The following ZBTB1 variants were observed in gnomAD, a reference collection of about 807,000 sequenced individuals.
ZBTB1 encodes the protein zinc finger and BTB domain containing 1, also known as zinc finger and BTB domain-containing protein 1.
A neutral mutation model predicts 51.6 loss-of-function variants in ZBTB1; 13 were observed. The observed-to-expected ratio is 0.25, with a 90% CI of 0.16 to 0.40. ZBTB1 has a LOEUF of 0.40. Among genes scored for constraint, ZBTB1 ranks in the 10% least tolerant of loss-of-function variants. The probability of loss-of-function intolerance (pLI) is 1.00; values close to 1 mark genes in which losing one functional copy is unlikely to be tolerated. For missense variants in ZBTB1, 567 were observed against 856.5 expected (o/e 0.66, Z 4.22); for synonymous variants, 240 against 282.2 (o/e 0.85, Z 1.50).
intron 1 of ZBTB1, chr14:64,516,693 C>CA (rs1401020650): frequency 6.6e-6 from 1 of 152,194 alleles, no homozygotes; most frequent in Non-Finnish European, 1.5e-5. Flanking sequence ...CAAATGAATA[C>CA]AGAATACTTG....
intron 1 of ZBTB1, among the ~76,000 whole-genome samples, chr14:64,516,095 C>T (rs1169019750): frequency 2.0e-5 from 3 of 152,086 alleles, no homozygotes; most frequent in African/African-American, 7.2e-5. Flanking sequence ...ATTAGCCAGT[C>T]ATGGTGGCGT....
intron 1 of ZBTB1, among the ~76,000 whole-genome samples, chr14:64,520,068 C>T (rs2079844666): frequency 6.6e-6 from 1 of 151,996 alleles, no homozygotes; most frequent in Admixed American, 6.5e-5. Flanking sequence ...GTGGTGCGAT[C>T]TCGGCTCACT....
rs143094641 is a variant in ZBTB1 at position 64,523,169 on chromosome 14, C to G, written c.1665C>G (p.Ser555Arg). The change falls in exon 2 of 2, where the codon AGC becomes AGG. Residue 555 changes from serine (S) to arginine (R), a missense_variant. Ser to Arg is a moderately radical substitution (Grantham distance 110, BLOSUM62 -1). This residue lies in a region of ZBTB1 where 329 missense variants were observed against 406.3 expected (regional missense o/e 0.81). Transcript: ENST00000683701. The surrounding 1 kb of genome is among the most constrained non-coding windows in gnomAD (Gnocchi z 4.5). ...ATCTAGTGGTTGAACATATGTCTAGCTGCTTAGATCAAGATATGTTTAAGA... is the reference window on the plus strand; with the variant it reads ...ATCTAGTGGTTGAACATATGTCTAGGTGCTTAGATCAAGATATGTTTAAGA... ...TENLVVEHMSSCLDQDMFKSA... is the reference protein window; with the variant it reads ...TENLVVEHMSRCLDQDMFKSA... The G allele has an allele frequency of 6.8e-6, 11 of 1,614,128 alleles. No homozygotes were observed. Among genetic ancestry groups the G allele is most frequent in the Non-Finnish European group, 9.3e-6 (11 of 1,180,006 alleles).
At chr14:64,526,240 T>TA (rs201162262), downstream of ZBTB1, among the ~76,000 whole-genome samples, 1,314 of 152,310 alleles carry the variant, frequency 8.6e-3, 24 homozygotes, top group African/African-American at 0.03. Flanking sequence ...GGCAAAAAGT[T>TA]AAAGACTACT....
At chr14:64,525,300 C>T (rs1047267089), downstream of ZBTB1, among the ~76,000 whole-genome samples, 9 of 152,088 alleles carry the variant, frequency 5.9e-5, no homozygotes, top group Admixed American at 2.0e-4. Context: ...AGGCAGGGGA[C>T]GGGTAGAATA....
upstream of ZBTB1, chr14:64,503,738 G>A (rs1305583471): frequency 4.4e-6 from 2 of 452,146 alleles, no homozygotes; most frequent in Middle Eastern, 1.1e-3. Context: ...GCAAGCAGTG[G>A]CGCCGGCTCA....
rs139193816 is a variant in ZBTB1 at position 64,522,955 on chromosome 14, C to A, written c.1451C>A (p.Thr484Asn). The A allele has an allele frequency of 1.5e-5, 24 of 1,614,020 alleles. No individual in the cohort carries two copies. In the African/African-American group the frequency reaches 2.9e-4, roughly 20 times the overall value. ...QDLTMNGLGN[T>N]EEKMDLEENP... ...CTGACCATGAATGGGTTAGGAAATA[C>A]TGAGGAGAAAATGGACTTGGAAGAG... The change falls in exon 2 of 2, where the codon ACT becomes AAT. Residue 484 changes from threonine to asparagine, a missense_variant. Coordinates refer to ENST00000683701, the MANE Select transcript of ZBTB1 (RefSeq NM_001123329.2).
Position 64,513,115 on chromosome 14 carries a change from T to C in ZBTB1, c.-19+8169T>C, listed in dbSNP as rs80343456. On this transcript the variant is annotated intron_variant, in intron 1 of 1. Transcript: ENST00000683701. The stretch of plus-strand genomic sequence containing the variant: ...ATACTTATATATGCATACATACACA[T>C]AAAATGATACCTATATATGGATACA... Among the ~76,000 whole-genome samples, 23 of 152,246 alleles carry C rather than the reference T, an allele frequency of 1.5e-4. No individual in the cohort carries two copies. The East Asian group carries it at 3.7e-3, about 24-fold the overall frequency.
intron 1 of ZBTB1, 171 bp downstream of exon 1, chr14:64,505,117 T>G: frequency 2.9e-6 from 1 of 347,372 alleles, no homozygotes. Context: ...CCAGGCCGCC[T>G]GCTTGTTGCC....
chr14:64,518,300 T>A (rs1441821119), intron 1 of ZBTB1: 1 of 152,218 alleles, frequency 6.6e-6, no homozygotes, highest in Non-Finnish European at 1.5e-5. Flanking sequence ...CTGAACATGA[T>A]TCCTCACAGC....
chr14:64,520,862 C>CTT (rs146222409), intron 1 of ZBTB1, among the ~76,000 whole-genome samples: 4 of 142,002 alleles, frequency 2.8e-5, no homozygotes, highest in Non-Finnish European at 3.1e-5. Context: ...GAGTTGTTTT[C>CTT]TTTTTTTTTT....
intron 1 of ZBTB1, among the ~76,000 whole-genome samples, chr14:64,512,100 AT>A (rs1306801200): frequency 1.3e-5 from 2 of 152,100 alleles, no homozygotes; most frequent in African/African-American, 4.8e-5. Flanking sequence ...TATGACATTA[AT>A]TTTTTTTAAA....
At chr14:64,532,944 T>C (rs1010118822) in exon 3 of ZBTB1, 5 of 152,110 alleles carry the variant, frequency 3.3e-5, no homozygotes, top group Non-Finnish European at 7.4e-5. Context: ...TCTTTCTGTT[T>C]ATGTACCCAA....
intron 1 of ZBTB1, chr14:64,516,555 C>G (rs944564164): frequency 1.3e-5 from 2 of 152,240 alleles, no homozygotes; most frequent in Non-Finnish European, 2.9e-5. Flanking sequence ...GTGGGATTCA[C>G]ACTGTGATCC....
At chr14:64,519,888 A>G (rs992497102) in intron 1 of ZBTB1, among the ~76,000 whole-genome samples, 1 of 152,196 alleles carries the variant, frequency 6.6e-6, no homozygotes, top group African/African-American at 2.4e-5. Flanking sequence ...AACATGAGAC[A>G]CATTCTAACT....
chr14:64,508,032 G>A (rs1442517415), intron 1 of ZBTB1, among the ~76,000 whole-genome samples: 1 of 152,178 alleles, frequency 6.6e-6, no homozygotes. Flanking sequence ...GCATGGAAGA[G>A]ACTGATACTG....
chr14:64,512,654 A>G (rs970783947), intron 1 of ZBTB1, among the ~76,000 whole-genome samples: 1 of 152,192 alleles, frequency 6.6e-6, no homozygotes, highest in Non-Finnish European at 1.5e-5. Context: ...TCCTGTACTA[A>G]GTACTGAATT....
intron 1 of ZBTB1, among the ~76,000 whole-genome samples, chr14:64,506,371 A>G (rs1408355893): frequency 6.6e-6 from 1 of 152,162 alleles, no homozygotes; most frequent in East Asian, 1.9e-4. Flanking sequence ...CATCTCTACT[A>G]AAAGTACAAA....
intron 1 of ZBTB1, 81 bp from the exon 2 acceptor site, chr14:64,521,406 A>T: frequency 8.9e-7 from 1 of 1,123,694 alleles, no homozygotes; most frequent in Non-Finnish European, 1.2e-6. Context: ...CAGTCATGCA[A>T]GTCACAAATC....
Sources: gnomAD v4.1 joint callset for allele counts (sites outside exome capture counted in the v4.1 genomes callset) on GRCh38, gnomAD v4.1.1 for gene constraint, gnomAD v4.1.1 regional missense constraint, Gnocchi (gnomAD v3.1) non-coding constraint, MANE v1.5 for transcripts, NCBI Gene and HGNC (gene_info 2026-07-23, HGNC 2026-07-21) for gene names.